SDK1: variants seen among roughly 807,000 people sequenced by gnomAD.
The protein encoded by SDK1 is sidekick cell adhesion molecule 1.
A neutral mutation model predicts 245.5 loss-of-function variants in SDK1; 157 were observed. That is an observed-to-expected ratio of 0.64 (90% CI 0.56 to 0.73). SDK1 has a LOEUF of 0.73. SDK1 is among the 30% of genes least tolerant of loss of function. The pLI, the probability that SDK1 is intolerant of heterozygous loss-of-function variation, is 0.00. For missense variants in SDK1, 3,583 were observed against 3,002.3 expected (o/e 1.19, Z -4.52); for synonymous variants, 1,647 against 1,278.5 (o/e 1.29, Z -6.15).
intron 38 of SDK1, among the ~76,000 whole-genome samples, chr7:4,217,680 A>C (rs1222196987): frequency 6.6e-6 from 1 of 152,130 alleles, no homozygotes; most frequent in African/African-American, 2.4e-5. Flanking sequence ...TGTGCTTGGG[A>C]ATCCGATTTT....
chr7:4,125,296 G>C (rs1784319671), intron 25 of SDK1, among the ~76,000 whole-genome samples: 1 of 151,234 alleles, frequency 6.6e-6, no homozygotes, highest in Non-Finnish European at 1.5e-5. Flanking sequence ...TGGATAGATG[G>C]ATGGAGGAAT....
At chr7:4,193,496 C>T (rs535159350) in intron 35 of SDK1, among the ~76,000 whole-genome samples, 17 of 150,572 alleles carry the variant, frequency 1.1e-4, no homozygotes, top group Admixed American at 5.4e-4. Context: ...TTCCTTCTGG[C>T]AAAAAAGGTT....
At chr7:3,880,505 C>T (rs1362902290) in intron 5 of SDK1, among the ~76,000 whole-genome samples, 2 of 147,040 alleles carry the variant, frequency 1.4e-5, no homozygotes, top group Non-Finnish European at 3.0e-5. Context: ...TGCAGCGATG[C>T]GCAGATGCGT....
intron 5 of SDK1, among the ~76,000 whole-genome samples, chr7:3,862,709 A>C (rs1780724408): frequency 6.6e-6 from 1 of 152,122 alleles, no homozygotes; most frequent in Non-Finnish European, 1.5e-5. Context: ...AGCTTGAGTT[A>C]CTAGTGGTTT....
chr7:4,095,950 A>G (rs999247908), intron 22 of SDK1, among the ~76,000 whole-genome samples: 3 of 152,122 alleles, frequency 2.0e-5, no homozygotes, highest in African/African-American at 4.8e-5. Context: ...CTTTATTTCC[A>G]TGTTTGGGGG....
chr7:3,576,748 T>C (rs1185074479), intron 1 of SDK1, among the ~76,000 whole-genome samples: 1 of 152,024 alleles, frequency 6.6e-6, no homozygotes, highest in Admixed American at 6.6e-5. Context: ...GTGTTTCTTA[T>C]TTGCTAGAAA....
chr7:3,706,966 C>T (rs1322281694), intron 4 of SDK1, among the ~76,000 whole-genome samples: 1 of 152,132 alleles, frequency 6.6e-6, no homozygotes, highest in Non-Finnish European at 1.5e-5. Flanking sequence ...GTTAGTCTAG[C>T]TAATGGTCTA....
intron 26 of SDK1, 57 bp from the exon 27 acceptor site, chr7:4,129,851 G>A (rs1260074988): frequency 1.9e-5 from 30 of 1,602,950 alleles, no homozygotes; most frequent in East Asian, 2.2e-5. Flanking sequence ...CCCATGCCAC[G>A]GCGGTCCCTC....
In SDK1 at chr7:3,473,159, A is replaced by G. The variant is rs564723606; in HGVS notation, c.299-145921A>G. ...AGGTCAGCATTGACTCTGATTGAAGATGAGAAAACACACCTGCAAACCAGT... is the reference window on the plus strand; with the variant it reads ...AGGTCAGCATTGACTCTGATTGAAGGTGAGAAAACACACCTGCAAACCAGT... On this transcript the variant is annotated intron_variant, in intron 1 of 44. Transcript: ENST00000404826. Among the ~76,000 whole-genome samples the G allele has an allele frequency of 1.2e-3, 184 of 152,300 alleles. 3 individuals carry two copies. The highest frequency in any genetic ancestry group is 4.3e-3 in the African/African-American group (178 of 41,552).
chr7:3,687,154 A>G lies in SDK1; in HGVS notation c.713+45049A>G, dbSNP rs575242108. ...AAGACAAATGAAAAATTATGTTCAC[A>G]CAAAAGTCTGTACACAAATGTTCTT... On this transcript the variant is annotated intron_variant, in intron 4 of 44. Coordinates refer to ENST00000404826, the MANE Select transcript of SDK1 (RefSeq NM_152744.4). Among the ~76,000 whole-genome samples the G allele has an allele frequency of 1.2e-3, 174 of 148,668 alleles. No individual in the cohort carries two copies. In the South Asian group the frequency reaches 0.02, roughly 17 times the overall value.
chr7:3,349,734 G>T (rs1451825333), intron 1 of SDK1, among the ~76,000 whole-genome samples: 2 of 151,980 alleles, frequency 1.3e-5, no homozygotes, highest in African/African-American at 4.8e-5. Flanking sequence ...CGAGTGGCTG[G>T]GCCTACAGGC....
At chr7:3,503,690 A>T (rs1422845853) in intron 1 of SDK1, among the ~76,000 whole-genome samples, 1 of 152,082 alleles carries the variant, frequency 6.6e-6, no homozygotes, top group East Asian at 1.9e-4. Context: ...AAAAAAACAA[A>T]ACAAAATGCA....
chr7:3,701,924 C>CA (rs58687135), intron 4 of SDK1, among the ~76,000 whole-genome samples: 4,264 of 85,494 alleles, frequency 0.05, 98 homozygotes, highest in Middle Eastern at 0.078. Context: ...CGTGCATAAG[C>CA]AAAAAAAAAA....
chr7:3,856,959 G>C (rs1467985767), intron 5 of SDK1, among the ~76,000 whole-genome samples: 1 of 152,130 alleles, frequency 6.6e-6, no homozygotes, highest in African/African-American at 2.4e-5. Context: ...GATATTTCCT[G>C]CTGAAAAGGA....
At chr7:4,015,411 T>A (rs1474233633) in intron 16 of SDK1, among the ~76,000 whole-genome samples, 1 of 152,218 alleles carries the variant, frequency 6.6e-6, no homozygotes, top group Non-Finnish European at 1.5e-5. Context: ...GTGCATGGTG[T>A]GGGCACAGAG....
chr7:3,817,272 C>G (rs754276892), intron 4 of SDK1, among the ~76,000 whole-genome samples: 2 of 152,146 alleles, frequency 1.3e-5, no homozygotes, highest in Non-Finnish European at 2.9e-5. Context: ...CATAGATACT[C>G]TTAAGGGAAA....
At chr7:4,093,760 G>T (rs563442696) in intron 22 of SDK1, among the ~76,000 whole-genome samples, 1 of 152,204 alleles carries the variant, frequency 6.6e-6, no homozygotes, top group African/African-American at 2.4e-5. Flanking sequence ...CTAAGCACAC[G>T]CTGTGCCGAG....
intron 28 of SDK1, among the ~76,000 whole-genome samples, chr7:4,141,963 G>A (rs1042938916): frequency 1.3e-5 from 2 of 152,120 alleles, no homozygotes; most frequent in African/African-American, 4.8e-5. Context: ...CACCATCTTG[G>A]CCAGGGTGGT....
At chr7:3,601,529 T>A (rs1001823109) in intron 1 of SDK1, among the ~76,000 whole-genome samples, 1 of 152,104 alleles carries the variant, frequency 6.6e-6, no homozygotes, top group Non-Finnish European at 1.5e-5. Flanking sequence ...AGTATTCTTT[T>A]TTTAATGACT....
Sources: allele counts gnomAD v4.1 joint callset (sites outside exome capture counted in the v4.1 genomes callset), GRCh38; gene constraint gnomAD v4.1.1; transcripts MANE v1.5; gene names NCBI Gene and HGNC (gene_info 2026-07-23, HGNC 2026-07-21).